Variants in PKN2 observed in about 807,000 individuals in gnomAD.
The protein encoded by PKN2 is serine/threonine-protein kinase N2.
Under a neutral mutation model 119.1 loss-of-function variants are expected in PKN2, and 38 were observed. The observed-to-expected ratio is 0.32, with a 90% CI of 0.25 to 0.42. The LOEUF (loss-of-function observed/expected upper bound fraction) is 0.42. Among genes scored for constraint, PKN2 ranks in the 10% least tolerant of loss-of-function variants. The pLI, the probability that PKN2 is intolerant of heterozygous loss-of-function variation, is 1.00. For synonymous variants in PKN2, 390 were observed against 384.9 expected (o/e 1.01, Z -0.15); for missense variants, 850 against 1,165.1 (o/e 0.73, Z 3.94).
intron 6 of PKN2, among the ~76,000 whole-genome samples, chr1:88,780,091 A>G (rs1180485168): frequency 6.6e-6 from 1 of 152,138 alleles, no homozygotes; most frequent in East Asian, 1.9e-4. Flanking sequence ...TGGTTTTTTT[A>G]AAGTGCTGTG....
At chr1:88,782,044 ATG>A (rs1670368082) in intron 6 of PKN2, among the ~76,000 whole-genome samples, 1 of 152,112 alleles carries the variant, frequency 6.6e-6, no homozygotes, top group South Asian at 2.1e-4. Context: ...TTTTTAGTAA[ATG>A]TATATGCCTA....
intron 3 of PKN2, among the ~76,000 whole-genome samples, chr1:88,763,240 T>C (rs1051239306): frequency 6.6e-5 from 10 of 152,184 alleles, no homozygotes; most frequent in Admixed American, 2.0e-4. Flanking sequence ...CCTTAAAAGA[T>C]AGATGGAGCT....
intron 1 of PKN2, among the ~76,000 whole-genome samples, chr1:88,720,180 C>T (rs1037874372): frequency 6.6e-6 from 1 of 152,028 alleles, no homozygotes; most frequent in African/African-American, 2.4e-5. Flanking sequence ...ACTATAGGTG[C>T]ACGCTAATTT....
At chr1:88,821,405 G>T (rs1672284995) in intron 16 of PKN2, among the ~76,000 whole-genome samples, 1 of 151,998 alleles carries the variant, frequency 6.6e-6, no homozygotes. Flanking sequence ...GATTAAAATG[G>T]TTTGATTCTC....
intron 16 of PKN2, among the ~76,000 whole-genome samples, chr1:88,819,045 A>T (rs1672136133): frequency 6.6e-6 from 1 of 152,202 alleles, no homozygotes; most frequent in Admixed American, 6.5e-5. Context: ...TGGATTAAAG[A>T]CTTGAACATA....
intron 12 of PKN2, chr1:88,806,223 CG>C: frequency 2.0e-6 from 1 of 508,806 alleles, no homozygotes; most frequent in South Asian, 2.3e-5. Flanking sequence ...GGCATGATCT[CG>C]GCTCACTGCA....
At chr1:88,721,624 CA>C (rs1049038947) in intron 1 of PKN2, among the ~76,000 whole-genome samples, 2 of 152,126 alleles carry the variant, frequency 1.3e-5, no homozygotes, top group Non-Finnish European at 2.9e-5. Context: ...AAATTTTTAA[CA>C]TGGTTGATTT....
intron 1 of PKN2, among the ~76,000 whole-genome samples, chr1:88,687,010 G>A (rs575167321): frequency 6.6e-6 from 1 of 152,162 alleles, no homozygotes; most frequent in South Asian, 2.1e-4. Context: ...AGGAATACTT[G>A]TTTACTCTGA....
intron 1 of PKN2, among the ~76,000 whole-genome samples, chr1:88,729,355 AG>A (rs1668036383): frequency 6.6e-6 from 1 of 152,248 alleles, no homozygotes; most frequent in Non-Finnish European, 1.5e-5. Flanking sequence ...ATTGCAGCAT[AG>A]CAAGCTCATC....
At chr1:88,744,682 A>G (rs1033382598) in intron 2 of PKN2, among the ~76,000 whole-genome samples, 13 of 152,196 alleles carry the variant, frequency 8.5e-5, no homozygotes, top group Admixed American at 2.6e-4. Flanking sequence ...CGGCTTCCCA[A>G]AGTGCTGGGA....
chr1:88,789,492 A>G (rs1033830817), intron 8 of PKN2, among the ~76,000 whole-genome samples: 5 of 151,904 alleles, frequency 3.3e-5, no homozygotes, highest in African/African-American at 9.7e-5. Context: ...GTGAAACCCT[A>G]TCTCTATTAA....
At chr1:88,765,300 C>T (rs929960796) in intron 3 of PKN2, among the ~76,000 whole-genome samples, 5 of 136,930 alleles carry the variant, frequency 3.7e-5, no homozygotes, top group African/African-American at 1.3e-4. Context: ...AAAAAAAAGA[C>T]ATGTCTCCTG....
At chr1:88,723,005 A>T (rs1209288409) in intron 1 of PKN2, among the ~76,000 whole-genome samples, 1 of 152,188 alleles carries the variant, frequency 6.6e-6, no homozygotes, top group Non-Finnish European at 1.5e-5. Context: ...AATATAGGTG[A>T]GATCAAGGAT....
Position 88,684,533 on chromosome 1 carries a change from T to TC in PKN2, c.-48_-47insC. 1 of 1,392,366 alleles carries TC rather than the reference T, an allele frequency of 7.2e-7. No homozygotes were observed. 86.3% of individuals were successfully genotyped at this position (1,392,366 alleles called of 1,614,324 possible). A position where few individuals can be genotyped will look rare whatever the true frequency, so the allele number is the denominator to read the frequency against. On this transcript the variant is annotated 5_prime_UTR_variant, in exon 1 of 22. Coordinates refer to ENST00000370521, the MANE Select transcript of PKN2 (RefSeq NM_006256.4). The stretch of plus-strand genomic sequence containing the variant: ...CCCGAGCCCCGTCCCGCCTTCTCCC[T>TC]TCGCCAGAGGCGGCCGCGTCCAGGT...
chr1:88,740,010 A>G (rs960270107), intron 1 of PKN2, among the ~76,000 whole-genome samples: 17 of 150,212 alleles, frequency 1.1e-4, no homozygotes, highest in Admixed American at 4.6e-4. Flanking sequence ...GTATTAGGGG[A>G]AAAAAAAAAT....
At chr1:88,776,206 T>TCCCCCTACC (rs1670096383) in intron 6 of PKN2, among the ~76,000 whole-genome samples, 1 of 25,566 alleles carries the variant, frequency 3.9e-5, no homozygotes, top group South Asian at 1.6e-3. Context: ...TCCCTCCCCC[T>TCCCCCTACC]CCCCCTACCC....
intron 8 of PKN2, among the ~76,000 whole-genome samples, chr1:88,797,298 C>T (rs1384814662): frequency 6.7e-6 from 1 of 149,430 alleles, no homozygotes; most frequent in Non-Finnish European, 1.5e-5. Flanking sequence ...TGCACCATTG[C>T]ACTCCAGCCT....
intron 1 of PKN2, among the ~76,000 whole-genome samples, chr1:88,689,827 G>C (rs1666257847): frequency 6.6e-6 from 1 of 151,996 alleles, no homozygotes; most frequent in South Asian, 2.1e-4. Context: ...AAGTGCAGTA[G>C]TATGGATTTA....
intron 6 of PKN2, among the ~76,000 whole-genome samples, chr1:88,773,800 G>A (rs1208970059): frequency 6.6e-6 from 1 of 152,064 alleles, no homozygotes; most frequent in Non-Finnish European, 1.5e-5. Context: ...GAAAGAGAGA[G>A]AAACATTTAA....
Sources: gnomAD v4.1 joint callset for allele counts (sites outside exome capture counted in the v4.1 genomes callset) on GRCh38, gnomAD v4.1.1 for gene constraint, MANE v1.5 for transcripts, NCBI Gene and HGNC (gene_info 2026-07-23, HGNC 2026-07-21) for gene names.